DNM3: variants seen among roughly 807,000 people sequenced by gnomAD.
DNM3 encodes dynamin-3.
In DNM3, 47 loss-of-function variants were observed where a neutral mutation model predicts 101.6. That is an observed-to-expected ratio of 0.46 (90% CI 0.37 to 0.59). DNM3 has a LOEUF of 0.59. Ranked by LOEUF, DNM3 falls within the 20% of genes least tolerant of loss-of-function variation. The probability of loss-of-function intolerance (pLI) is 0.00; values close to 1 mark genes in which losing one functional copy is unlikely to be tolerated. For synonymous variants in DNM3, 385 were observed against 387.9 expected, an observed-to-expected ratio of 0.99 and a Z score of 0.09; for missense variants, 849 against 1,085.7, an observed-to-expected ratio of 0.78 and a Z score of 3.06.
chr1:171,985,839 G>T (rs2045213250), intron 2 of DNM3, among the ~76,000 whole-genome samples: 1 of 152,082 alleles, frequency 6.6e-6, no homozygotes, highest in Admixed American at 6.6e-5. Context: ...GCCACCAGAG[G>T]GCCTGAGTGG....
At chr1:172,369,983 A>G (rs969435849) in intron 17 of DNM3, among the ~76,000 whole-genome samples, 2 of 151,818 alleles carry the variant, frequency 1.3e-5, no homozygotes, top group African/African-American at 4.8e-5. Flanking sequence ...TAAGAACATC[A>G]GTTATATTGG....
intron 14 of DNM3, among the ~76,000 whole-genome samples, chr1:172,190,708 C>A (rs541756189): frequency 6.6e-6 from 1 of 152,268 alleles, no homozygotes; most frequent in South Asian, 2.1e-4. Flanking sequence ...GATTGCCATT[C>A]TAACTGGTGT....
chr1:172,357,272 C>T (rs986832697), intron 17 of DNM3, among the ~76,000 whole-genome samples: 55 of 151,886 alleles, frequency 3.6e-4, no homozygotes, highest in African/African-American at 1.2e-3. Flanking sequence ...AAATATCACC[C>T]GCAAGATACT....
chr1:172,372,161 C>T (rs939527850), intron 17 of DNM3, among the ~76,000 whole-genome samples: 6 of 144,038 alleles, frequency 4.2e-5, no homozygotes, highest in African/African-American at 1.3e-4. Context: ...TGAGAATATG[C>T]GGTGTTTGGT....
chr1:172,323,450 C>T (rs2065813814), intron 17 of DNM3, 110 bp downstream of exon 17: 5 of 1,349,348 alleles, frequency 3.7e-6, no homozygotes, highest in Non-Finnish European at 5.1e-6. Context: ...TCATCTGTTA[C>T]AGTGCACGAA....
At chr1:172,185,354 G>A (rs573159631) in intron 14 of DNM3, among the ~76,000 whole-genome samples, 44 of 152,218 alleles carry the variant, frequency 2.9e-4, no homozygotes, top group Middle Eastern at 3.4e-3. Flanking sequence ...CAGAGAAAAA[G>A]GGGTGAGCAC....
chr1:171,849,659 C>CT (rs916422838), intron 1 of DNM3, among the ~76,000 whole-genome samples: 80 of 149,048 alleles, frequency 5.4e-4, no homozygotes, highest in African/African-American at 9.6e-4. Context: ...ACAATGTGTT[C>CT]TTTTTTTTTT....
intron 10 of DNM3, among the ~76,000 whole-genome samples, chr1:172,064,825 A>G (rs879867778): frequency 2.0e-5 from 3 of 152,130 alleles, no homozygotes; most frequent in Admixed American, 6.5e-5. Flanking sequence ...TACATTGCTT[A>G]GTGTCTCTTC....
At chr1:172,281,469 C>T (rs1451550915) in intron 15 of DNM3, among the ~76,000 whole-genome samples, 8 of 152,132 alleles carry the variant, frequency 5.3e-5, no homozygotes, top group Non-Finnish European at 1.0e-4. Context: ...TTTTCCCCAA[C>T]ATAAGCATTC....
At chr1:172,233,495 A>G (rs563405902) in intron 14 of DNM3, among the ~76,000 whole-genome samples, 10 of 152,350 alleles carry the variant, frequency 6.6e-5, no homozygotes, top group African/African-American at 2.4e-4. Flanking sequence ...TTCTGAAACT[A>G]TTCCAATCAA....
At chr1:172,175,097 C>A (rs1406494771) in intron 14 of DNM3, among the ~76,000 whole-genome samples, 4 of 151,652 alleles carry the variant, frequency 2.6e-5, no homozygotes, top group Non-Finnish European at 5.9e-5. Context: ...AATCTAATGG[C>A]CATATACCCT....
At chr1:172,266,590 CA>C (rs2062867411) in intron 15 of DNM3, among the ~76,000 whole-genome samples, 1 of 152,186 alleles carries the variant, frequency 6.6e-6, no homozygotes, top group Non-Finnish European at 1.5e-5. Context: ...TCTTGCCTCA[CA>C]AAATGCTAAG....
intron 2 of DNM3, among the ~76,000 whole-genome samples, chr1:171,984,835 C>T (rs533911236): frequency 6.6e-5 from 10 of 152,252 alleles, no homozygotes; most frequent in African/African-American, 2.4e-4. Flanking sequence ...TTGAATCTGT[C>T]TGGGGGACAC....
intron 1 of DNM3, among the ~76,000 whole-genome samples, chr1:171,846,133 A>C (rs1172403046): frequency 6.6e-6 from 1 of 152,210 alleles, no homozygotes; most frequent in African/African-American, 2.4e-5. Context: ...TAAAGTGTCA[A>C]AACATGAACT....
chr1:172,090,660 T>C (rs2053847225), intron 12 of DNM3, among the ~76,000 whole-genome samples: 1 of 152,208 alleles, frequency 6.6e-6, no homozygotes, highest in Non-Finnish European at 1.5e-5. Flanking sequence ...AAATACAGTA[T>C]GGCCTTTCAC....
intron 14 of DNM3, among the ~76,000 whole-genome samples, chr1:172,160,566 T>C (rs77342900): frequency 0.015 from 2,209 of 152,100 alleles, 62 homozygotes; most frequent in African/African-American, 0.05. Context: ...TGGAAGGTCT[T>C]CGGTGGCAGT....
At chr1:171,994,937 C>T (rs2045892365) in intron 4 of DNM3, among the ~76,000 whole-genome samples, 1 of 151,900 alleles carries the variant, frequency 6.6e-6, no homozygotes. Context: ...ATTTTTGATG[C>T]TCTCCAACCC....
chr1:172,412,522 A>AAT lies in DNM3; in HGVS notation c.*4682_*4683dup. The AAT allele has an allele frequency of 2.0e-6, 2 of 985,686 alleles. No individual in the cohort carries two copies. The highest frequency in any genetic ancestry group is 2.4e-6 in the Non-Finnish European group (2 of 829,844). The allele number at this position is 985,686 out of a possible 1,614,324, so 61.1% of individuals were successfully genotyped here. A position where few individuals can be genotyped will look rare whatever the true frequency, so the allele number is the denominator to read the frequency against. ...ATCTTGTCTTCTCTGCTGATTCTTTAATTAATATGAGCCGGATACTTTCCA... is the reference window on the plus strand; with the variant it reads ...ATCTTGTCTTCTCTGCTGATTCTTTAATATTAATATGAGCCGGATACTTTCCA... On this transcript the variant is annotated 3_prime_UTR_variant, in exon 21 of 21. Coordinates refer to ENST00000627582, the MANE Select transcript of DNM3 (RefSeq NM_015569.5).
At chr1:172,298,123 G>T (rs547342891) in intron 15 of DNM3, among the ~76,000 whole-genome samples, 1 of 152,090 alleles carries the variant, frequency 6.6e-6, no homozygotes, top group East Asian at 1.9e-4. Flanking sequence ...TTTAGTTCTA[G>T]GAAGTCTTTT....
Sources: gnomAD v4.1 joint callset for allele counts (sites outside exome capture counted in the v4.1 genomes callset) on GRCh38, gnomAD v4.1.1 for gene constraint, MANE v1.5 for transcripts, NCBI Gene and HGNC (gene_info 2026-07-23, HGNC 2026-07-21) for gene names.